The following NPNT variants were observed in gnomAD, a reference collection of about 807,000 sequenced individuals.
NPNT encodes the protein preosteoblast EGF-like repeat protein with MAM domain.
Under a neutral mutation model 68.6 loss-of-function variants are expected in NPNT, and 45 were observed. That is an observed-to-expected ratio of 0.66 (90% CI 0.52 to 0.84). The LOEUF is 0.84. NPNT is among the 40% of genes least tolerant of loss of function. NPNT has a pLI of 0.00. For missense variants in NPNT, 672 were observed against 714.8 expected (o/e 0.94, Z 0.68); for synonymous variants, 233 against 253.3 (o/e 0.92, Z 0.76).
In NPNT at chr4:105,927,424, T is replaced by G. The variant is rs1449198671; in HGVS notation, c.261T>G (p.Asn87Lys). The change falls in exon 3 of 12, where the codon AAT becomes AAG. Residue 87 changes from asparagine to lysine, a missense_variant. Coordinates refer to ENST00000379987, the MANE Select transcript of NPNT (RefSeq NM_001033047.3). Reference protein sequence around the residue: ...CHPGYAGKTCNQDLNECGLKP... With the variant: ...CHPGYAGKTCKQDLNECGLKP... ...CTGGTTATGCTGGAAAAACCTGTAATCAAGGTAGGAAAACAGTCTGACATA... is the reference window on the plus strand; with the variant it reads ...CTGGTTATGCTGGAAAAACCTGTAAGCAAGGTAGGAAAACAGTCTGACATA... The G allele has an allele frequency of 1.3e-6, 2 of 1,599,502 alleles. No homozygotes were observed. Among genetic ancestry groups the G allele is most frequent in the African/African-American group, 1.3e-5 (1 of 74,684 alleles).
rs567342179 is a variant in NPNT at position 105,932,261 on chromosome 4, TA to T, written c.266-4747del. On this transcript the variant is annotated intron_variant, in intron 3 of 11. Transcript: ENST00000379987. ...AATAGAGCAGGTGGATTATAATCAATATTTGTATAATTTGTTTTTTGTTTTC... is the reference window on the plus strand; with the variant it reads ...AATAGAGCAGGTGGATTATAATCAATTTTGTATAATTTGTTTTTTGTTTTC... Among the ~76,000 whole-genome samples, 486 of 152,164 alleles carry T rather than the reference TA, an allele frequency of 3.2e-3. 3 individuals are homozygous for T. The highest frequency in any genetic ancestry group is 0.011 in the African/African-American group (462 of 41,524).
rs551701765 is a variant in NPNT at position 105,959,052 on chromosome 4, T to C, written c.1271T>C (p.Phe424Ser). 1 of 1,612,660 alleles carries C rather than the reference T, an allele frequency of 6.2e-7. No homozygotes were observed. The highest frequency in any genetic ancestry group is 1.3e-5 in the African/African-American group (1 of 75,034). ...DPGVLVHSCN[F>S]DHGLCGWIRE... ...GGTGTTCTGGTACACAGTTGTAATTTTGACCATGGACTTTGTGGATGGATC... is the reference window on the plus strand; with the variant it reads ...GGTGTTCTGGTACACAGTTGTAATTCTGACCATGGACTTTGTGGATGGATC... The change falls in exon 10 of 12, where the codon TTT (phenylalanine) becomes TCT (serine). Residue 424 changes from phenylalanine to serine, a missense_variant. Physicochemically the swap from Phe to Ser is radical, Grantham distance 155. Coordinates refer to ENST00000379987, the MANE Select transcript of NPNT (RefSeq NM_001033047.3).
chr4:105,913,522 CTT>C (rs1727545430), intron 2 of NPNT, among the ~76,000 whole-genome samples: 1 of 152,180 alleles, frequency 6.6e-6, no homozygotes, highest in Non-Finnish European at 1.5e-5. Context: ...TTAAATCTAA[CTT>C]TGCAAGATTC....
intron 3 of NPNT, 87 bp from the exon 4 acceptor site, chr4:105,936,922 A>G: frequency 1.5e-6 from 2 of 1,360,310 alleles, no homozygotes; most frequent in Non-Finnish European, 2.0e-6. Context: ...TTTCTCTTTC[A>G]TTTTTTAATA....
At chr4:105,899,773 G>A (rs1465072716) in intron 2 of NPNT, among the ~76,000 whole-genome samples, 1 of 152,192 alleles carries the variant, frequency 6.6e-6, no homozygotes, top group Non-Finnish European at 1.5e-5. Context: ...GTAAAAATTA[G>A]CTCAAAGGTG....
chr4:105,951,920 T>A (rs572809010), intron 8 of NPNT, among the ~76,000 whole-genome samples: 4 of 152,318 alleles, frequency 2.6e-5, no homozygotes, highest in African/African-American at 9.6e-5. Context: ...GGGCGTATCA[T>A]TAAATTTTCC....
At chr4:105,919,463 T>G (rs1358888387) in intron 2 of NPNT, among the ~76,000 whole-genome samples, 2 of 152,162 alleles carry the variant, frequency 1.3e-5, no homozygotes, top group Non-Finnish European at 1.5e-5. Context: ...TAGATTTCCC[T>G]AATTGTCCCA....
chr4:105,941,787 C>T (rs758857236), intron 7 of NPNT, among the ~76,000 whole-genome samples: 13 of 152,100 alleles, frequency 8.5e-5, no homozygotes, highest in Non-Finnish European at 1.8e-4. Flanking sequence ...AACATTTACT[C>T]AAGCTGTATT....
At chr4:105,897,825 TG>T in intron 1 of NPNT, 75 bp from the exon 2 acceptor site, 1 of 1,195,596 alleles carries the variant, frequency 8.4e-7, no homozygotes, top group Non-Finnish European at 1.2e-6. Context: ...ACATTTTTTC[TG>T]AAGTAATAAT....
At chr4:105,936,528 A>C (rs1006011826) in intron 3 of NPNT, among the ~76,000 whole-genome samples, 4 of 152,244 alleles carry the variant, frequency 2.6e-5, no homozygotes, top group African/African-American at 9.6e-5. Flanking sequence ...CCAAGCCTTA[A>C]GGAGGCCAAT....
intron 3 of NPNT, among the ~76,000 whole-genome samples, chr4:105,929,966 CA>C (rs1334111905): frequency 6.6e-6 from 1 of 151,924 alleles, no homozygotes; most frequent in East Asian, 1.9e-4. Context: ...TCTTGCTCCC[CA>C]AAACCATATT....
chr4:105,903,959 A>AT (rs1270062668), intron 2 of NPNT, among the ~76,000 whole-genome samples: 2 of 151,302 alleles, frequency 1.3e-5, no homozygotes, highest in African/African-American at 4.9e-5. Context: ...TAATTTTTGT[A>AT]TTTTTTGTAG....
intron 8 of NPNT, among the ~76,000 whole-genome samples, chr4:105,953,555 C>T (rs946714194): frequency 1.3e-5 from 2 of 152,148 alleles, no homozygotes; most frequent in South Asian, 4.1e-4. Flanking sequence ...TCTCTGATCA[C>T]TTAAAATTGT....
intron 8 of NPNT, among the ~76,000 whole-genome samples, chr4:105,943,885 C>G (rs973078626): frequency 6.6e-6 from 1 of 152,068 alleles, no homozygotes; most frequent in African/African-American, 2.4e-5. Flanking sequence ...TGAGGCAGAC[C>G]GATCGCTTGA....
At chr4:105,966,670 A>T (rs1172665821) in intron 10 of NPNT, among the ~76,000 whole-genome samples, 7 of 145,778 alleles carry the variant, frequency 4.8e-5, no homozygotes, top group Non-Finnish European at 9.1e-5. Flanking sequence ...ACGTTTAGAG[A>T]TTTTTTTTTT....
chr4:105,924,528 T>C (rs1047848862), intron 2 of NPNT, among the ~76,000 whole-genome samples: 1 of 152,108 alleles, frequency 6.6e-6, no homozygotes, highest in Non-Finnish European at 1.5e-5. Flanking sequence ...CAGATGGGAG[T>C]GCAAACAACA....
At chr4:105,918,350 A>G (rs1351859985) in intron 2 of NPNT, among the ~76,000 whole-genome samples, 1 of 152,214 alleles carries the variant, frequency 6.6e-6, no homozygotes, top group African/African-American at 2.4e-5. Flanking sequence ...TGATGGTTAC[A>G]TTAAAATTTT....
rs1730026395 is a variant in NPNT, at chr4:105,942,233, A to ATGTCTG, written c.764-72_764-67dup. On this transcript the variant is annotated intron_variant, in intron 7 of 11. Coordinates refer to ENST00000379987, the MANE Select transcript of NPNT (RefSeq NM_001033047.3). ...ATACCAGTTGTCATTAGATGTTTTT[A>ATGTCTG]TGTCTGTCAGTGTAATGCTTCACTT... 7.8e-6 allele frequency: 9 copies of ATGTCTG among 1,159,718 alleles called. No homozygotes were observed. In the South Asian group the frequency reaches 1.4e-4, roughly 18 times the overall value. 71.8% of individuals were successfully genotyped at this position (1,159,718 alleles called of 1,614,324 possible). A position where few individuals can be genotyped will look rare whatever the true frequency, so the allele number is the denominator to read the frequency against.
chr4:105,926,192 G>T (rs558744612), intron 2 of NPNT, among the ~76,000 whole-genome samples: 96 of 152,264 alleles, frequency 6.3e-4, no homozygotes, highest in African/African-American at 2.2e-3. Flanking sequence ...ATATGGATTT[G>T]CTTGTGTAAT....
Sources: gnomAD v4.1 joint callset for allele counts (sites outside exome capture counted in the v4.1 genomes callset) on GRCh38, gnomAD v4.1.1 for gene constraint, MANE v1.5 for transcripts, NCBI Gene and HGNC (gene_info 2026-07-23, HGNC 2026-07-21) for gene names.